Variants in NAV2 observed in about 807,000 individuals in gnomAD.
The protein encoded by NAV2 is neuron navigator 2.
NAV2 carries 54 observed loss-of-function variants against 223.2 expected under a neutral mutation model. The observed-to-expected ratio is 0.24, with a 90% CI of 0.19 to 0.30. NAV2 has a LOEUF of 0.30. Among genes scored for constraint, NAV2 ranks in the 10% least tolerant of loss-of-function variants. The pLI is 1.00. For missense variants in NAV2, 2,806 were observed against 3,147.5 expected, an observed-to-expected ratio of 0.89 and a Z score of 2.60; for synonymous variants, 1,279 against 1,239.3, an observed-to-expected ratio of 1.03 and a Z score of -0.67.
intron 1 of NAV2, among the ~76,000 whole-genome samples, chr11:19,485,610 C>T (rs183669232): frequency 6.6e-6 from 1 of 152,270 alleles, no homozygotes; most frequent in African/African-American, 2.4e-5. Flanking sequence ...GAAGGCAATT[C>T]AACAAACTCA....
At chr11:19,884,494 T>C in intron 5 of NAV2, 1 of 729,458 alleles carries the variant, frequency 1.4e-6, no homozygotes, top group Non-Finnish European at 2.4e-6. Context: ...AAACTAAATG[T>C]GCTTTGGCTA....
At chr11:20,077,761 G>A (rs1206775494) in intron 23 of NAV2, 126 bp downstream of exon 23, 1 of 800,764 alleles carries the variant, frequency 1.2e-6, no homozygotes, top group Non-Finnish European at 2.1e-6. Context: ...AAGTTTAATT[G>A]TAAGGAGTCC....
At chr11:20,092,069 A>G (rs1184648476) in intron 27 of NAV2, 137 bp from the exon 28 acceptor site, 1 of 758,588 alleles carries the variant, frequency 1.3e-6, no homozygotes, top group Non-Finnish European at 2.2e-6. Context: ...ACACTGCTAA[A>G]TCTCTCTGAG....
intron 1 of NAV2, among the ~76,000 whole-genome samples, chr11:19,606,184 CTTTG>C (rs1216529424): frequency 6.6e-6 from 1 of 152,180 alleles, no homozygotes; most frequent in African/African-American, 2.4e-5. Flanking sequence ...AGCCAAACTC[CTTTG>C]TTTGGCTGTG....
chr11:19,422,395 C>T (rs1590175875), intron 1 of NAV2, among the ~76,000 whole-genome samples: 1 of 152,158 alleles, frequency 6.6e-6, no homozygotes, highest in Non-Finnish European at 1.5e-5. Flanking sequence ...TCATAGGCTG[C>T]CAGCCAGTAG....
At position 20,105,641 on chromosome 11, in the gene NAV2, T is replaced by C; in HGVS notation, c.6755T>C (p.Leu2252Pro). 1.2e-6 allele frequency: 2 copies of C among 1,613,982 alleles called. No individual in the cohort carries two copies. The highest frequency in any genetic ancestry group is 1.7e-6 in the Non-Finnish European group (2 of 1,179,972). Residue 2252 changes from leucine to proline, a missense_variant, in exon 35 of 38, where the codon CTG becomes CCG. By Grantham distance (98) the Leu-to-Pro change is moderately conservative (BLOSUM62 -3). This residue lies in a region of NAV2 where 824 missense variants were observed against 1,069.4 expected (regional missense o/e 0.77). Transcript: ENST00000349880. Reference protein sequence around the residue: ...EISGRVRNMELVKIIDWIPKV... With the variant: ...EISGRVRNMEPVKIIDWIPKV... Reference sequence around the variant, plus strand: ...AGTGGGCGGGTGCGCAATATGGAGCTGGTAAAAATCATTGACTGGATTCCC... The same window carrying C: ...AGTGGGCGGGTGCGCAATATGGAGCCGGTAAAAATCATTGACTGGATTCCC...
At chr11:19,987,926 G>A (rs745577313) in intron 11 of NAV2, among the ~76,000 whole-genome samples, 2 of 152,142 alleles carry the variant, frequency 1.3e-5, no homozygotes, top group Non-Finnish European at 2.9e-5. Context: ...AAGGAGCTTT[G>A]GCATGGAGGT....
At chr11:19,625,811 AT>A (rs60507495) in intron 1 of NAV2, among the ~76,000 whole-genome samples, 4 of 151,512 alleles carry the variant, frequency 2.6e-5, no homozygotes, top group East Asian at 1.9e-4. Flanking sequence ...GATGTTGAAC[AT>A]TTTTTTTCAT....
intron 1 of NAV2, among the ~76,000 whole-genome samples, chr11:19,391,474 T>C (rs1209595436): frequency 6.6e-6 from 1 of 152,182 alleles, no homozygotes; most frequent in Admixed American, 6.5e-5. Flanking sequence ...TCAAAGGAGA[T>C]CAAGTATTTT....
chr11:19,933,468 C>A lies in NAV2; in HGVS notation c.1224C>A (p.Phe408Leu). 1 of 1,608,214 alleles carries A rather than the reference C, an allele frequency of 6.2e-7. No homozygotes were observed. The highest frequency in any genetic ancestry group is 8.5e-7 in the Non-Finnish European group (1 of 1,177,588). ...QKSMLEKLKL[F>L]NSKGGSKAGE... ...CCATGCTGGAAAAGCTGAAACTTTT[C>A]AACAGTAAAGGGGGCTCAAAGGCAG... Residue 408 changes from phenylalanine (F) to leucine (L), a missense_variant, in exon 7 of 38, where the codon TTC (phenylalanine) becomes TTA (leucine). Phe to Leu is a conservative substitution (Grantham distance 22, BLOSUM62 0). Around this residue, in one of 4 missense-constraint regions of NAV2, gnomAD observed 1,167 missense variants for 1,180.5 expected, o/e 0.99. Coordinates refer to ENST00000349880, the MANE Select transcript of NAV2 (RefSeq NM_145117.5). The surrounding 1 kb of genome is among the most constrained non-coding windows in gnomAD (Gnocchi z 4.3).
chr11:19,698,824 G>C (rs1203913590), intron 1 of NAV2, among the ~76,000 whole-genome samples: 2 of 152,202 alleles, frequency 1.3e-5, no homozygotes, highest in East Asian at 1.9e-4. Context: ...ATGTGAGAGA[G>C]AGAGAGTGTG....
chr11:19,583,193 TA>T (rs1169125094), intron 1 of NAV2, among the ~76,000 whole-genome samples: 1 of 152,218 alleles, frequency 6.6e-6, no homozygotes, highest in East Asian at 1.9e-4. Context: ...GTTATTGGTG[TA>T]TAAGAATGCT....
intron 5 of NAV2, among the ~76,000 whole-genome samples, chr11:19,890,972 G>A (rs2041456512): frequency 6.6e-6 from 1 of 152,186 alleles, no homozygotes; most frequent in African/African-American, 2.4e-5. Flanking sequence ...TGGGGGAAGA[G>A]CTAACCCCCT....
chr11:19,723,544 C>T (rs2050950233), intron 1 of NAV2, among the ~76,000 whole-genome samples: 1 of 152,228 alleles, frequency 6.6e-6, no homozygotes, highest in South Asian at 2.1e-4. Context: ...TTGGAGCCTA[C>T]TCCCTGCTTC....
intron 1 of NAV2, among the ~76,000 whole-genome samples, chr11:19,534,442 G>A (rs1407204574): frequency 1.3e-5 from 2 of 152,212 alleles, no homozygotes; most frequent in East Asian, 1.9e-4. Flanking sequence ...GAGTTGAATA[G>A]CACAGTCTCT....
At chr11:19,920,445 G>A (rs1016286247) in intron 6 of NAV2, among the ~76,000 whole-genome samples, 2 of 151,950 alleles carry the variant, frequency 1.3e-5, no homozygotes, top group Admixed American at 6.5e-5. Context: ...GTGCCACCAC[G>A]CCCAGCTAAT....
intron 10 of NAV2, among the ~76,000 whole-genome samples, chr11:19,983,328 C>T (rs1488350085): frequency 6.6e-6 from 1 of 152,148 alleles, no homozygotes; most frequent in African/African-American, 2.4e-5. Context: ...CTCTCAAGAA[C>T]AGCACTGATT....
chr11:20,054,245 G>A lies in NAV2; in HGVS notation c.4642+5G>A. On this transcript the variant is annotated splice_donor_5th_base_variant and intron_variant, in intron 18 of 37. Transcript: ENST00000349880. ...GATTCAACTTTTCCCAGCTTGGTGAGTAGCCACTTGTCATTACCTATGTTG... is the reference window on the plus strand; with the variant it reads ...GATTCAACTTTTCCCAGCTTGGTGAATAGCCACTTGTCATTACCTATGTTG... The A allele has an allele frequency of 1.2e-6, 2 of 1,606,508 alleles. No individual in the cohort carries two copies. Among genetic ancestry groups the A allele is most frequent in the Non-Finnish European group, 1.7e-6 (2 of 1,177,696 alleles).
chr11:20,011,142 C>G (rs1362620358), intron 11 of NAV2, among the ~76,000 whole-genome samples: 1 of 152,180 alleles, frequency 6.6e-6, no homozygotes, highest in Admixed American at 6.5e-5. Flanking sequence ...TTTCTTCAGA[C>G]TCCAGGTTTT....
Sources: allele counts gnomAD v4.1 joint callset (sites outside exome capture counted in the v4.1 genomes callset), GRCh38; gene constraint gnomAD v4.1.1; regional missense constraint gnomAD v4.1.1; non-coding constraint Gnocchi (gnomAD v3.1); transcripts MANE v1.5; gene names NCBI Gene and HGNC (gene_info 2026-07-23, HGNC 2026-07-21).